Variants in CNTNAP3B observed in about 807,000 individuals in gnomAD.
The protein encoded by CNTNAP3B is contactin associated protein family member 3B.
A neutral mutation model predicts 108.9 loss-of-function variants in CNTNAP3B; 25 were observed. The observed-to-expected ratio is 0.23, with a 90% confidence interval of 0.17 to 0.32. The LOEUF (loss-of-function observed/expected upper bound fraction) is 0.32, where lower values mean the gene tolerates loss of function less well. Ranked by LOEUF, CNTNAP3B falls within the 10% of genes least tolerant of loss-of-function variation. CNTNAP3B has a pLI of 1.00. For missense variants in CNTNAP3B, 252 were observed against 1,210.4 expected (o/e 0.21, Z 11.75); for synonymous variants, 103 against 473.4 (o/e 0.22, Z 10.16).
In CNTNAP3B at chr9:42,113,745, CT is replaced by C. The variant is rs532637104; in HGVS notation, c.86-9007del. On this transcript the variant is annotated intron_variant, in intron 1 of 23. Transcript: ENST00000377561. ...TAGTATTTGATAACACAAGAGGTGA[CT>C]ATAGTCAATAATTACTTAATTGTAC... is the stretch of plus-strand genomic sequence containing the variant. Among the ~76,000 whole-genome samples the C allele has an allele frequency of 4.3e-5, 6 of 139,038 alleles. 1 individual carries two copies. Among genetic ancestry groups the C allele is most frequent in the Admixed American group, 4.3e-4 (6 of 14,034 alleles). 91.2% of individuals were successfully genotyped at this position (139,038 alleles called of 152,430 possible). A position where few individuals can be genotyped will look rare whatever the true frequency, so the allele number is the denominator to read the frequency against.
intron 1 of CNTNAP3B, among the ~76,000 whole-genome samples, chr9:42,119,855 C>G (rs1828418869): frequency 7.1e-6 from 1 of 140,376 alleles, no homozygotes; most frequent in South Asian, 2.3e-4. Context: ...AATGTTAGAC[C>G]TAAAACCATA....
intron 15 of CNTNAP3B, chr9:41,926,616 C>T (rs1383526548): frequency 6.6e-5 from 10 of 152,304 alleles, no homozygotes; most frequent in Admixed American, 5.9e-4. Context: ...CCACCATGCC[C>T]AGCTAATTTT....
intron 17 of CNTNAP3B, among the ~76,000 whole-genome samples, chr9:41,921,379 C>T (rs1203787423): frequency 6.6e-6 from 1 of 152,040 alleles, no homozygotes; most frequent in Non-Finnish European, 1.5e-5. Flanking sequence ...ACGCCTGAAG[C>T]TAGGTTTTAG....
chr9:42,037,544 A>G (rs568493796), intron 3 of CNTNAP3B, among the ~76,000 whole-genome samples: 1 of 127,112 alleles, frequency 7.9e-6, no homozygotes, highest in African/African-American at 3.2e-5. Flanking sequence ...CTGAAGACCA[A>G]ATGAATGAAA....
At chr9:41,957,873 T>C in intron 12 of CNTNAP3B, among the ~76,000 whole-genome samples, 1 of 152,274 alleles carries the variant, frequency 6.6e-6, no homozygotes, top group Non-Finnish European at 1.5e-5. Flanking sequence ...CCATTCTTCC[T>C]TCTCAGCCTC....
At chr9:41,963,112 C>A (rs1825156591) in intron 11 of CNTNAP3B, among the ~76,000 whole-genome samples, 1 of 152,282 alleles carries the variant, frequency 6.6e-6, no homozygotes, top group Admixed American at 6.5e-5. Flanking sequence ...AACCTCAGGA[C>A]TGGGAGCGCA....
intron 14 of CNTNAP3B, among the ~76,000 whole-genome samples, chr9:41,936,482 C>T (rs1824160324): frequency 6.6e-6 from 1 of 152,252 alleles, no homozygotes; most frequent in East Asian, 1.9e-4. Flanking sequence ...GGCAGGAGCC[C>T]CTTGTGGAAT....
intron 1 of CNTNAP3B, among the ~76,000 whole-genome samples, chr9:42,113,079 T>C (rs1461246670): frequency 2.9e-5 from 4 of 135,898 alleles, no homozygotes; most frequent in Admixed American, 7.4e-5. Flanking sequence ...TTAAGCATCT[T>C]AGTTTGACGA....
At chr9:42,026,667 T>A (rs1163654879) in intron 3 of CNTNAP3B, among the ~76,000 whole-genome samples, 2 of 112,068 alleles carry the variant, frequency 1.8e-5, no homozygotes, top group African/African-American at 7.3e-5. Flanking sequence ...ATTCTAAACA[T>A]AATAGAGTGA....
intron 16 of CNTNAP3B, among the ~76,000 whole-genome samples, chr9:41,923,481 G>C (rs1045476697): frequency 6.6e-6 from 1 of 152,336 alleles, no homozygotes; most frequent in East Asian, 1.9e-4. Context: ...ATGATTACTG[G>C]CTGGGTGTGG....
intron 10 of CNTNAP3B, among the ~76,000 whole-genome samples, chr9:41,966,668 G>C (rs1198019990): frequency 6.6e-6 from 1 of 152,292 alleles, no homozygotes; most frequent in Non-Finnish European, 1.5e-5. Context: ...AGGTGATTAA[G>C]AAGTTAAAAC....
At chr9:41,941,673 C>T (rs1282054376) in intron 13 of CNTNAP3B, among the ~76,000 whole-genome samples, 1 of 140,044 alleles carries the variant, frequency 7.1e-6, no homozygotes, top group Non-Finnish European at 1.5e-5. Flanking sequence ...GCAAACATTA[C>T]TCCTAAAGCT....
At chr9:41,927,665 C>A (rs1313056894) in intron 15 of CNTNAP3B, among the ~76,000 whole-genome samples, 2 of 151,264 alleles carry the variant, frequency 1.3e-5, no homozygotes, top group Admixed American at 1.3e-4. Flanking sequence ...AATATAAAAA[C>A]CAATTCAGTA....
At chr9:41,969,132 T>C (rs1233611038) in intron 10 of CNTNAP3B, among the ~76,000 whole-genome samples, 1 of 152,204 alleles carries the variant, frequency 6.6e-6, no homozygotes, top group Non-Finnish European at 1.5e-5. Context: ...CTGTAGCATT[T>C]ATTTATTCAC....
chr9:41,939,235 G>A (rs1266778662), intron 13 of CNTNAP3B, among the ~76,000 whole-genome samples: 5 of 152,288 alleles, frequency 3.3e-5, no homozygotes, highest in Non-Finnish European at 7.3e-5. Flanking sequence ...AAAAGGAAAG[G>A]GGTCAGAGGC....
In CNTNAP3B at chr9:41,930,750, T is replaced by G. The variant is rs1280333009; in HGVS notation, c.2238-1306A>C. 5.2e-5 allele frequency among the ~76,000 whole-genome samples: 8 copies of G among 152,396 alleles called. No individual in the cohort carries two copies. The South Asian group carries it at 6.2e-4, about 12-fold the overall frequency. On this transcript the variant is annotated intron_variant, in intron 14 of 23. Transcript: ENST00000377561. ...CGTCTGTGTCCAATACAAAGAGACC[T>G]GGAGGATCCCCTAGGGGAACCTGGG...
chr9:42,029,038 T>C (rs1203157030), intron 3 of CNTNAP3B, among the ~76,000 whole-genome samples: 1 of 148,000 alleles, frequency 6.8e-6, no homozygotes, highest in Non-Finnish European at 1.5e-5. Flanking sequence ...AAGTTAAATG[T>C]TGAGCTGGAG....
chr9:41,966,939 C>G (rs1281351199), intron 10 of CNTNAP3B, among the ~76,000 whole-genome samples: 1 of 150,368 alleles, frequency 6.7e-6, no homozygotes, highest in African/African-American at 2.5e-5. Context: ...TGCACTCCAG[C>G]CTGGGCGATA....
rs755068295 is a variant in CNTNAP3B, at chr9:42,094,744, AAGGGAGGGAGGG to A, written c.196+9873_196+9884del. 4.9e-5 allele frequency among the ~76,000 whole-genome samples: 4 copies of A among 81,452 alleles called. 1 individual carries two copies. The highest frequency in any genetic ancestry group is 8.7e-5 in the African/African-American group (2 of 22,952). 53.4% of individuals were successfully genotyped at this position (81,452 alleles called of 152,430 possible). On this transcript the variant is annotated intron_variant, in intron 2 of 23. Transcript: ENST00000377561. ...GAAGGAAGGAAGGAGAAGGAGGAGG[AAGGGAGGGAGGG>A]AGGGAGGGAAGACAGAGAAAGAAAA...
Sources: allele counts gnomAD v4.1 joint callset (sites outside exome capture counted in the v4.1 genomes callset), GRCh38; gene constraint gnomAD v4.1.1; transcripts MANE v1.5; gene names NCBI Gene and HGNC (gene_info 2026-07-23, HGNC 2026-07-21).